Variants in FBXL7 observed in about 807,000 individuals in gnomAD.
FBXL7 encodes the protein F-box and leucine rich repeat protein 7.
Under a neutral mutation model 38.3 loss-of-function variants are expected in FBXL7, and 12 were observed. The ratio of observed to expected loss-of-function variants is 0.31; its 90% confidence interval spans 0.20 to 0.51. The LOEUF (loss-of-function observed/expected upper bound fraction) is 0.51, where lower values mean the gene tolerates loss of function less well. FBXL7 is among the 20% of genes least tolerant of loss of function. The pLI is 0.98. For missense variants in FBXL7, 567 were observed against 676.4 expected (o/e 0.84, Z 1.79); for synonymous variants, 297 against 300.9 (o/e 0.99, Z 0.13).
chr5:15,559,096 G>A (rs567682611), intron 1 of FBXL7, among the ~76,000 whole-genome samples: 1 of 152,312 alleles, frequency 6.6e-6, no homozygotes, highest in South Asian at 2.1e-4. Flanking sequence ...TTTAGACACT[G>A]TATAAGAAGC....
chr5:15,715,645 T>C (rs1218825413), intron 2 of FBXL7, among the ~76,000 whole-genome samples: 1 of 152,232 alleles, frequency 6.6e-6, no homozygotes, highest in Non-Finnish European at 1.5e-5. Flanking sequence ...TAGGTTTGGC[T>C]GTGTTTCAGT....
intron 1 of FBXL7, among the ~76,000 whole-genome samples, chr5:15,503,667 G>A (rs1736563114): frequency 6.6e-6 from 1 of 152,172 alleles, no homozygotes; most frequent in African/African-American, 2.4e-5. Flanking sequence ...AATCCACTGT[G>A]ATTCTGGGGG....
chr5:15,660,158 T>G (rs1292171641), intron 2 of FBXL7, among the ~76,000 whole-genome samples: 3 of 152,334 alleles, frequency 2.0e-5, no homozygotes, highest in Admixed American at 2.0e-4. Context: ...GCAGGGATAC[T>G]CACTCCTAGG....
At chr5:15,703,917 G>A (rs928029911) in intron 2 of FBXL7, among the ~76,000 whole-genome samples, 3 of 152,148 alleles carry the variant, frequency 2.0e-5, no homozygotes, top group East Asian at 1.9e-4. Context: ...AGATACTGTC[G>A]ACATATGTCA....
intron 2 of FBXL7, among the ~76,000 whole-genome samples, chr5:15,803,014 T>A (rs1737612986): frequency 6.6e-6 from 1 of 152,208 alleles, no homozygotes; most frequent in Non-Finnish European, 1.5e-5. Flanking sequence ...ACAAATTTCA[T>A]GCTATTTATC....
chr5:15,604,991 C>T (rs953879172), intron 1 of FBXL7, among the ~76,000 whole-genome samples: 11 of 152,004 alleles, frequency 7.2e-5, no homozygotes, highest in African/African-American at 9.7e-5. Flanking sequence ...GTGACATCTC[C>T]TGCTTTGCTG....
intron 2 of FBXL7, among the ~76,000 whole-genome samples, chr5:15,687,495 G>A (rs888736326): frequency 5.9e-5 from 9 of 152,198 alleles, no homozygotes; most frequent in Admixed American, 3.9e-4. Context: ...TCGAAATGCA[G>A]TTAGTGCTCT....
intron 2 of FBXL7, among the ~76,000 whole-genome samples, chr5:15,784,575 C>T (rs1020199711): frequency 3.2e-4 from 48 of 151,648 alleles, no homozygotes; most frequent in Admixed American, 2.0e-3. Flanking sequence ...GGTCGGGGGG[C>T]GGGGATCCCT....
chr5:15,626,845 C>T (rs1740838350), intron 2 of FBXL7, among the ~76,000 whole-genome samples: 1 of 152,014 alleles, frequency 6.6e-6, no homozygotes, highest in Non-Finnish European at 1.5e-5. Flanking sequence ...TTGCATCATT[C>T]CTAATTTTTT....
intron 2 of FBXL7, among the ~76,000 whole-genome samples, chr5:15,888,057 G>A (rs1305556100): frequency 2.0e-5 from 3 of 152,200 alleles, no homozygotes; most frequent in African/African-American, 7.2e-5. Context: ...ATCTGAGACA[G>A]CAAATTAAAT....
Position 15,500,615 on chromosome 5 carries a change from G to C in FBXL7, c.-62G>C. On this transcript the variant is annotated 5_prime_UTR_variant, in exon 1 of 4. Transcript: ENST00000504595. ...CGGGCGGGCTTTCCTCGGGCCGAGC[G>C]CGCAGGACGTGCGCCGCAGCTATGG... 1.2e-6 allele frequency: 2 copies of C among 1,610,138 alleles called. No individual in the cohort carries two copies. Among genetic ancestry groups the C allele is most frequent in the South Asian group, 1.1e-5 (1 of 91,016 alleles).
chr5:15,873,093 A>G (rs1237050576), intron 2 of FBXL7, among the ~76,000 whole-genome samples: 1 of 152,246 alleles, frequency 6.6e-6, no homozygotes, highest in East Asian at 1.9e-4. Flanking sequence ...GTCAGTCCAC[A>G]GTGCAATCAA....
At chr5:15,601,770 ATT>A (rs1266842864) in intron 1 of FBXL7, among the ~76,000 whole-genome samples, 1 of 152,048 alleles carries the variant, frequency 6.6e-6, no homozygotes, top group Non-Finnish European at 1.5e-5. Flanking sequence ...TCAGGGTAGG[ATT>A]TTCTGCTATT....
intron 1 of FBXL7, among the ~76,000 whole-genome samples, chr5:15,539,848 G>T (rs1397966705): frequency 1.3e-5 from 2 of 151,686 alleles, no homozygotes; most frequent in Non-Finnish European, 2.9e-5. Context: ...ATAAACAATT[G>T]TTTATAAGAA....
At chr5:15,821,796 G>A (rs1033560973) in intron 2 of FBXL7, among the ~76,000 whole-genome samples, 1 of 152,192 alleles carries the variant, frequency 6.6e-6, no homozygotes, top group Non-Finnish European at 1.5e-5. Context: ...GGAGAAAGCA[G>A]CAGGGACTTT....
At chr5:15,644,846 C>T (rs1006794203) in intron 2 of FBXL7, among the ~76,000 whole-genome samples, 1 of 152,134 alleles carries the variant, frequency 6.6e-6, no homozygotes, top group African/African-American at 2.4e-5. Flanking sequence ...CACCAGTGCC[C>T]TGGTTGGTCA....
At chr5:15,786,643 A>G (rs1355648375) in intron 2 of FBXL7, among the ~76,000 whole-genome samples, 1 of 152,210 alleles carries the variant, frequency 6.6e-6, no homozygotes, top group Non-Finnish European at 1.5e-5. Flanking sequence ...AGTTAGTAAA[A>G]AGTGAATTAG....
chr5:15,853,967 A>G (rs1247704887), intron 2 of FBXL7, among the ~76,000 whole-genome samples: 3 of 152,206 alleles, frequency 2.0e-5, no homozygotes, highest in African/African-American at 7.2e-5. Flanking sequence ...GAACAGTGAC[A>G]GCGATGTAAC....
At chr5:15,713,907 C>G (rs1280936644) in intron 2 of FBXL7, among the ~76,000 whole-genome samples, 1 of 152,168 alleles carries the variant, frequency 6.6e-6, no homozygotes, top group Non-Finnish European at 1.5e-5. Flanking sequence ...CTTTAAATAC[C>G]TACACTGTCC....
Sources: gnomAD v4.1 joint callset for allele counts (sites outside exome capture counted in the v4.1 genomes callset) on GRCh38, gnomAD v4.1.1 for gene constraint, MANE v1.5 for transcripts, NCBI Gene and HGNC (gene_info 2026-07-23, HGNC 2026-07-21) for gene names.